Variants in NRXN2 observed in about 807,000 individuals in gnomAD.
NRXN2 encodes the protein neurexin-2-beta.
In NRXN2, 29 loss-of-function variants were observed where a neutral mutation model predicts 128.8. That is an observed-to-expected ratio of 0.23 (90% confidence interval 0.17 to 0.31). The LOEUF is 0.31. Ranked by LOEUF, NRXN2 falls within the 10% of genes least tolerant of loss-of-function variation. NRXN2 has a pLI of 1.00. For missense variants in NRXN2, 1,881 were observed against 2,452.6 expected (o/e 0.77, Z 4.92); for synonymous variants, 1,098 against 1,075.2 (o/e 1.02, Z -0.41).
rs1261570607 is a variant in NRXN2, at chr11:64,651,077, G to A, written c.2918+178C>T. On this transcript the variant is annotated intron_variant, in intron 14 of 22. Coordinates refer to ENST00000265459, the MANE Select transcript of NRXN2 (RefSeq NM_015080.4). The surrounding 1 kb of genome is among the most constrained non-coding windows in gnomAD (Gnocchi z 5.9). ...AGCTGGGGAGTCAGCAGTGGAAGAG[G>A]GTGTGCTTCTCCATCTTGGCTGAAG... Among the ~76,000 whole-genome samples, 2 of 152,170 alleles carry A rather than the reference G, an allele frequency of 1.3e-5. No homozygotes were observed. The highest frequency in any genetic ancestry group is 3.9e-4 in the East Asian group (2 of 5,184).
At chr11:64,611,594 T>C (rs2135272014) in intron 22 of NRXN2, among the ~76,000 whole-genome samples, 1 of 152,282 alleles carries the variant, frequency 6.6e-6, no homozygotes, top group Middle Eastern at 3.4e-3. Context: ...GCATGGGGGC[T>C]TCAGGCCTTG....
At chr11:64,659,828 A>G (rs1451982700) in intron 11 of NRXN2, 1 of 224,974 alleles carries the variant, frequency 4.4e-6, no homozygotes, top group African/African-American at 2.2e-5. Context: ...ACACACCAAC[A>G]CACAGACTGC....
rs376478377 is a variant in NRXN2, at chr11:64,612,848, C to T, written c.4253-4766G>A. On this transcript the variant is annotated intron_variant, in intron 22 of 22. Transcript: ENST00000265459. Reference sequence around the variant, plus strand: ...GGGGGTTAGAAAACACAGTTCTATGCGGACGTGACCCTGTGGTGCATGATT... The same window carrying T: ...GGGGGTTAGAAAACACAGTTCTATGTGGACGTGACCCTGTGGTGCATGATT... Among the ~76,000 whole-genome samples the T allele has an allele frequency of 4.6e-5, 7 of 152,230 alleles. No homozygotes were observed. In the South Asian group the frequency reaches 6.2e-4, roughly 14 times the overall value.
chr11:64,686,031 G>A, intron 5 of NRXN2, 84 bp from the exon 6 acceptor site: 2 of 1,495,168 alleles, frequency 1.3e-6, no homozygotes, highest in Non-Finnish European at 1.8e-6. Flanking sequence ...CAGCAACGCA[G>A]GCACTGGTCC....
At position 64,608,064 on chromosome 11, in the gene NRXN2, G is replaced by C; in HGVS notation, c.4271C>G (p.Pro1424Arg). The C allele has an allele frequency of 6.3e-7, 1 of 1,585,484 alleles. No individual in the cohort carries two copies. The highest frequency in any genetic ancestry group is 8.5e-7 in the Non-Finnish European group (1 of 1,174,030). ...EPSTGGELIL[P>R]IITEDSLDPP... ...GTCTAAGGAGTCCTCCGTGATAATG[G>C]GCAATATTAACTCTCCTCCTAGAAC... The change falls in exon 23 of 23, where the codon CCC becomes CGC. Residue 1424 changes from proline to arginine, a missense_variant. Physicochemically the swap from Pro to Arg is moderately radical, Grantham distance 103. Around this residue, in one of 7 missense-constraint regions of NRXN2, gnomAD observed 310 missense variants for 318.2 expected, o/e 0.97. Coordinates refer to ENST00000265459, the MANE Select transcript of NRXN2 (RefSeq NM_015080.4).
intron 2 of NRXN2, among the ~76,000 whole-genome samples, chr11:64,704,641 G>C (rs866400797): frequency 0.086 from 12,465 of 145,456 alleles, 805 homozygotes; most frequent in East Asian, 0.25. Flanking sequence ...GAGAGAGAGA[G>C]AGAGAGAGAG....
At chr11:64,655,100 G>A (rs948002321) in intron 11 of NRXN2, among the ~76,000 whole-genome samples, 1 of 152,216 alleles carries the variant, frequency 6.6e-6, no homozygotes, top group African/African-American at 2.4e-5. Context: ...AGCAAAGGGG[G>A]TGGGCAGCTG....
At chr11:64,633,548 G>A (rs562782734) in intron 18 of NRXN2, among the ~76,000 whole-genome samples, 1 of 152,184 alleles carries the variant, frequency 6.6e-6, no homozygotes, top group Admixed American at 6.5e-5. Context: ...GGAGAAGAGA[G>A]AGAAGGAGCA....
intron 4 of NRXN2, among the ~76,000 whole-genome samples, chr11:64,691,940 C>A (rs1174137737): frequency 3.9e-5 from 6 of 152,178 alleles, no homozygotes; most frequent in African/African-American, 1.4e-4. Flanking sequence ...TGGGCAGGTC[C>A]AACAGTGCCA....
chr11:64,656,663 C>A (rs147797238), intron 11 of NRXN2, among the ~76,000 whole-genome samples: 255 of 152,226 alleles, frequency 1.7e-3, no homozygotes, highest in African/African-American at 6.1e-3. Context: ...GAGGACAGTG[C>A]CCAGCCTGGC....
chr11:64,650,037 C>T (rs1225586530), intron 15 of NRXN2, among the ~76,000 whole-genome samples: 1 of 152,132 alleles, frequency 6.6e-6, no homozygotes, highest in Non-Finnish European at 1.5e-5. Context: ...GACTCGGGGA[C>T]TCTAGCTCCT....
intron 17 of NRXN2, chr11:64,642,529 T>A: frequency 6.2e-7 from 1 of 1,606,268 alleles, no homozygotes; most frequent in Non-Finnish European, 8.5e-7. Flanking sequence ...GCATCTACAG[T>A]GCCACTTACC....
At chr11:64,703,474 G>T (rs1033374348) in intron 2 of NRXN2, among the ~76,000 whole-genome samples, 3 of 152,138 alleles carry the variant, frequency 2.0e-5, no homozygotes, top group African/African-American at 7.2e-5. Flanking sequence ...GTCAAAATTT[G>T]AACCCAAATC....
chr11:64,692,917 A>G, intron 3 of NRXN2, 41 bp from the exon 4 acceptor site: 2 of 1,511,376 alleles, frequency 1.3e-6, no homozygotes, highest in Non-Finnish European at 1.8e-6. Context: ...AGAAAAAAAG[A>G]AGAAGAAAAA....
chr11:64,641,245 A>AGGATG (rs1210255729), intron 17 of NRXN2, among the ~76,000 whole-genome samples: 1 of 152,058 alleles, frequency 6.6e-6, no homozygotes, highest in African/African-American at 2.4e-5. Flanking sequence ...GAGATGGGAC[A>AGGATG]GGATGGGATG....
rs749656774 is a variant in NRXN2 at position 64,623,043 on chromosome 11, T to C, written c.3883A>G (p.Ile1295Val). 9.3e-6 allele frequency: 15 copies of C among 1,608,776 alleles called. No individual in the cohort carries two copies. Among genetic ancestry groups the C allele is most frequent in the Non-Finnish European group, 1.2e-5 (14 of 1,177,762 alleles). The change falls in exon 21 of 23, where the codon ATC becomes GTC. Residue 1295 changes from isoleucine to valine, a missense_variant. Ile to Val is a conservative substitution (Grantham distance 29, BLOSUM62 3). This residue lies in a region of NRXN2 where 2 missense variants were observed against 21.6 expected (regional missense o/e 0.09). Transcript: ENST00000265459. This position sits in a 1 kb window ranked among gnomAD's most constrained non-coding sequence, Gnocchi z 4.9. ...CCCTGATCCCGGCCCCCGATCTTGATGGCAGCCTGGCTGTTGAAGATGGTC... is the reference window on the plus strand; with the variant it reads ...CCCTGATCCCGGCCCCCGATCTTGACGGCAGCCTGGCTGTTGAAGATGGTC... ...QLTIFNSQAA[I>V]KIGGRDQGRP...
intron 2 of NRXN2, among the ~76,000 whole-genome samples, chr11:64,712,007 G>T (rs958865152): frequency 1.3e-5 from 2 of 152,194 alleles, no homozygotes; most frequent in African/African-American, 4.8e-5. Flanking sequence ...CTTAGTGCTT[G>T]TCCAGGCCGC....
At chr11:64,712,887 C>CCA in intron 2 of NRXN2, 83 bp downstream of exon 2, 2 of 1,244,526 alleles carry the variant, frequency 1.6e-6, no homozygotes, top group Non-Finnish European at 2.2e-6. Flanking sequence ...CCTCAGGAGC[C>CCA]CACACACACT....
At position 64,672,327 on chromosome 11, in the gene NRXN2, T is replaced by C. The variant is rs117229215; in HGVS notation, c.1198-3723A>G. On this transcript the variant is annotated intron_variant, in intron 7 of 22. Coordinates refer to ENST00000265459, the MANE Select transcript of NRXN2 (RefSeq NM_015080.4). Reference sequence around the variant, plus strand: ...AGTCCTGGCCATAAATAACTCCACATTGGTGGGCACTCCATGTCCACATGC... The same window carrying C: ...AGTCCTGGCCATAAATAACTCCACACTGGTGGGCACTCCATGTCCACATGC... 0.02 allele frequency among the ~76,000 whole-genome samples: 2,988 copies of C among 152,268 alleles called. 252 individuals carry two copies. In the East Asian group the frequency reaches 0.28, roughly 14 times the overall value.
Sources: gnomAD v4.1 joint callset for allele counts (sites outside exome capture counted in the v4.1 genomes callset) on GRCh38, gnomAD v4.1.1 for gene constraint, gnomAD v4.1.1 regional missense constraint, Gnocchi (gnomAD v3.1) non-coding constraint, MANE v1.5 for transcripts, NCBI Gene and HGNC (gene_info 2026-07-23, HGNC 2026-07-21) for gene names.